Variants in IL31RA observed in about 807,000 individuals in gnomAD.
The protein encoded by IL31RA is interleukin 31 receptor A.
Under a neutral mutation model 83.7 loss-of-function variants are expected in IL31RA, and 66 were observed. That is an observed-to-expected ratio of 0.79 (90% CI 0.65 to 0.97). IL31RA has a LOEUF of 0.97. Ranked by LOEUF, IL31RA falls within the 50% of genes least tolerant of loss-of-function variation. The pLI is 0.00. For missense variants in IL31RA, 798 were observed against 919.4 expected, an observed-to-expected ratio of 0.87 and a Z score of 1.71; for synonymous variants, 325 against 329.0, an observed-to-expected ratio of 0.99 and a Z score of 0.13.
At chr5:55,856,865 C>T (rs1745394133) in intron 1 of IL31RA, among the ~76,000 whole-genome samples, 1 of 152,114 alleles carries the variant, frequency 6.6e-6, no homozygotes, top group Admixed American at 6.5e-5. Flanking sequence ...CCTTTCTTTC[C>T]TCAAAGTCTT....
In IL31RA at chr5:55,890,105, CA is replaced by C; in HGVS notation, c.744del (p.Glu249LysfsTer5). ...GTCAAAGTTCTGGAGTGACTGGAGC[CA>C]AGAAAAAATGGGAATGACTGAGGAA... ...KESKFWSDWS[Q>X]EKMGMTEEEA... On this transcript the variant is annotated frameshift_variant, in exon 6 of 15. Transcript: ENST00000652347. LOFTEE classifies it high-confidence loss of function. The C allele has an allele frequency of 6.2e-7, 1 of 1,613,788 alleles. No individual in the cohort carries two copies. Among genetic ancestry groups the C allele is most frequent in the South Asian group, 1.1e-5 (1 of 91,060 alleles).
intron 13 of IL31RA, among the ~76,000 whole-genome samples, chr5:55,914,073 G>T (rs996087956): frequency 1.3e-5 from 2 of 152,204 alleles, no homozygotes; most frequent in African/African-American, 2.4e-5. Context: ...TAACCTGCTT[G>T]CCCTGGCCAC....
In IL31RA at chr5:55,899,944, A is replaced by C. The variant is rs765260651; in HGVS notation, c.881A>C (p.Lys294Thr). 4.3e-5 allele frequency: 69 copies of C among 1,614,102 alleles called. No homozygotes were observed. In the South Asian group the frequency reaches 7.5e-4, roughly 17 times the overall value. ...KKARGAPVLE[K>T]TLGYNIWYYP... ...GCAAGAGGAGCCCCAGTCCTAGAGA[A>C]AACACTTGGCTACAACATATGGTAC... The change falls in exon 8 of 15, where the codon AAA (lysine) becomes ACA (threonine). Residue 294 changes from lysine (K) to threonine (T), a missense_variant. Coordinates refer to ENST00000652347, the MANE Select transcript of IL31RA (RefSeq NM_139017.7).
chr5:55,896,470 C>G (rs1192799350), intron 7 of IL31RA, 41 bp downstream of exon 7: 7 of 1,344,380 alleles, frequency 5.2e-6, no homozygotes, highest in Non-Finnish European at 5.3e-6. Flanking sequence ...CTTTCTTCCC[C>G]TTCCCTCCTT....
rs1188351923 is a variant in IL31RA at position 55,922,374 on chromosome 5, G to A, written c.*5254G>A. 6.5e-7 allele frequency: 1 copy of A among 1,548,004 alleles called. No homozygotes were observed. Among genetic ancestry groups the A allele is most frequent in the Non-Finnish European group, 8.7e-7 (1 of 1,144,214 alleles). ...GCTGTTCAAGGGAAGTGAGATACTT[G>A]TACTATGCATTTCATTTTTAGGACT... On this transcript the variant is annotated 3_prime_UTR_variant, in exon 15 of 15. Transcript: ENST00000652347.
chr5:55,913,645 T>C, intron 13 of IL31RA, 75 bp downstream of exon 13: 1 of 886,716 alleles, frequency 1.1e-6, no homozygotes, highest in South Asian at 1.3e-5. Flanking sequence ...AGGTGCTTCG[T>C]AGGAGAGGGC....
intron 5 of IL31RA, among the ~76,000 whole-genome samples, chr5:55,887,539 G>A (rs1304838745): frequency 6.6e-6 from 1 of 151,742 alleles, no homozygotes. Context: ...CAGGAGTTAG[G>A]GACCAGCCTG....
chr5:55,867,269 G>GTGTGTGTGTGTTTGTGTGTGTT (rs1746214915), intron 2 of IL31RA, among the ~76,000 whole-genome samples: 1 of 5,730 alleles, frequency 1.7e-4, no homozygotes, highest in Admixed American at 1.9e-3. Flanking sequence ...GTTTGTGTGC[G>GTGTGTGTGTGTTTGTGTGTGTT]TGTGTGTGCA....
intron 12 of IL31RA, among the ~76,000 whole-genome samples, chr5:55,911,871 C>A (rs1470770839): frequency 2.0e-5 from 3 of 152,148 alleles, no homozygotes; most frequent in Non-Finnish European, 1.5e-5. Flanking sequence ...TTCTTGAAAG[C>A]CTCTTATGCA....
chr5:55,849,233 G>T (rs1249876661), upstream of IL31RA, among the ~76,000 whole-genome samples: 2 of 150,306 alleles, frequency 1.3e-5, no homozygotes, highest in Admixed American at 1.3e-4. Flanking sequence ...TTTTTCTGGG[G>T]TTTATTTCCA....
chr5:55,847,022 A>G (rs1744941769), upstream of IL31RA, among the ~76,000 whole-genome samples: 1 of 151,556 alleles, frequency 6.6e-6, no homozygotes, highest in Non-Finnish European at 1.5e-5. Flanking sequence ...AGGCAGGTGG[A>G]TCATGAGGTC....
chr5:55,868,971 T>C, intron 3 of IL31RA, 63 bp downstream of exon 3: 1 of 921,894 alleles, frequency 1.1e-6, no homozygotes, highest in Admixed American at 1.7e-5. Flanking sequence ...TTCTGATTCA[T>C]TCATGATTCA....
At chr5:55,877,980 C>T (rs980921093) in intron 4 of IL31RA, among the ~76,000 whole-genome samples, 1 of 152,142 alleles carries the variant, frequency 6.6e-6, no homozygotes, top group Non-Finnish European at 1.5e-5. Context: ...TTGGCTTGAT[C>T]CTGTTCCACA....
At chr5:55,871,466 ACCAC>A (rs1260721326) in intron 3 of IL31RA, among the ~76,000 whole-genome samples, 3 of 152,112 alleles carry the variant, frequency 2.0e-5, no homozygotes, top group African/African-American at 7.2e-5. Context: ...TATAGCTAGA[ACCAC>A]CCATCTGATT....
chr5:55,912,917 T>C (rs1382183478), intron 12 of IL31RA, among the ~76,000 whole-genome samples: 1 of 150,530 alleles, frequency 6.6e-6, no homozygotes, highest in Non-Finnish European at 1.5e-5. Flanking sequence ...CAGTGAGCTA[T>C]GATCATGCCA....
chr5:55,867,132 TGTGC>T (rs1746125889), intron 2 of IL31RA, among the ~76,000 whole-genome samples: 1 of 97,814 alleles, frequency 1.0e-5, no homozygotes, highest in Admixed American at 9.1e-5. Context: ...TTTGTGTGTG[TGTGC>T]ATGTGTGTGT....
In IL31RA at chr5:55,916,579, A is replaced by G; in HGVS notation, c.1819-65A>G. The stretch of plus-strand genomic sequence containing the variant: ...GGCATTTGCTGTCCCAAGCCTAACG[A>G]GTTTTTGGCTATGTCATATGTGACT... On this transcript the variant is annotated intron_variant, in intron 14 of 14. Transcript: ENST00000652347. The G allele has an allele frequency of 2.9e-6, 4 of 1,367,704 alleles. 1 individual carries two copies. Among genetic ancestry groups the G allele is most frequent in the Non-Finnish European group, 4.2e-6 (4 of 956,546 alleles). 84.7% of individuals were successfully genotyped at this position (1,367,704 alleles called of 1,614,324 possible). A position where few individuals can be genotyped will look rare whatever the true frequency, so the allele number is the denominator to read the frequency against.
upstream of IL31RA, among the ~76,000 whole-genome samples, chr5:55,848,331 T>C (rs1216746033): frequency 2.6e-5 from 4 of 152,238 alleles, no homozygotes; most frequent in East Asian, 5.8e-4. Flanking sequence ...TGAAGTAATG[T>C]ATATTTATTT....
intron 5 of IL31RA, among the ~76,000 whole-genome samples, chr5:55,888,975 T>C (rs1561100032): frequency 6.6e-6 from 1 of 152,218 alleles, no homozygotes. Context: ...ATGCAAGTAG[T>C]ATCAGGACTT....
Sources: allele counts gnomAD v4.1 joint callset (sites outside exome capture counted in the v4.1 genomes callset), GRCh38; gene constraint gnomAD v4.1.1; transcripts MANE v1.5; gene names NCBI Gene and HGNC (gene_info 2026-07-23, HGNC 2026-07-21).